Variants in SMOC2 observed in about 807,000 individuals in gnomAD.
SMOC2 encodes the protein SPARC related modular calcium binding 2, also known as SPARC-related modular calcium-binding protein 2.
In SMOC2, 39 loss-of-function variants were observed where a neutral mutation model predicts 61.4. The observed-to-expected ratio is 0.64, with a 90% CI of 0.49 to 0.83. The LOEUF (loss-of-function observed/expected upper bound fraction) is 0.83, where lower values mean the gene tolerates loss of function less well. SMOC2 is among the 40% of genes least tolerant of loss of function. SMOC2 has a pLI of 0.00. For missense variants in SMOC2, 556 were observed against 592.9 expected, an observed-to-expected ratio of 0.94 and a Z score of 0.65; for synonymous variants, 247 against 239.9, an observed-to-expected ratio of 1.03 and a Z score of -0.27.
chr6:168,509,392 A>G (rs985929302), intron 1 of SMOC2, among the ~76,000 whole-genome samples: 23 of 152,326 alleles, frequency 1.5e-4, no homozygotes, highest in Middle Eastern at 3.4e-3. Flanking sequence ...GTCTAGTCCA[A>G]TTGAATGTAG....
At chr6:168,651,364 C>T (rs1196349692) in intron 10 of SMOC2, among the ~76,000 whole-genome samples, 4 of 152,062 alleles carry the variant, frequency 2.6e-5, no homozygotes, top group East Asian at 1.9e-4. Flanking sequence ...GCCTGGAGCT[C>T]GGTGGAGTGG....
chr6:168,444,542 C>T (rs879538232), intron 1 of SMOC2, among the ~76,000 whole-genome samples: 4 of 152,182 alleles, frequency 2.6e-5, no homozygotes, highest in Non-Finnish European at 4.4e-5. Context: ...TGCACAACTT[C>T]CTGGTTATTG....
chr6:168,607,805 A>T (rs1338855537), intron 8 of SMOC2, among the ~76,000 whole-genome samples: 1 of 151,098 alleles, frequency 6.6e-6, no homozygotes, highest in Non-Finnish European at 1.5e-5. Flanking sequence ...CAACGGGAGG[A>T]GGGGGAGGTG....
intron 7 of SMOC2, among the ~76,000 whole-genome samples, chr6:168,584,690 T>A (rs1466806531): frequency 2.0e-5 from 3 of 152,196 alleles, no homozygotes; most frequent in Non-Finnish European, 4.4e-5. Flanking sequence ...TATTTTCTCA[T>A]CTCTTAGAAT....
At chr6:168,534,130 T>C (rs996002101) in intron 4 of SMOC2, among the ~76,000 whole-genome samples, 1 of 150,656 alleles carries the variant, frequency 6.6e-6, no homozygotes, top group African/African-American at 2.4e-5. Context: ...TAAAAACTTG[T>C]GAATTTTTTT....
intron 9 of SMOC2, among the ~76,000 whole-genome samples, chr6:168,630,699 A>G (rs539998936): frequency 1.8e-3 from 271 of 152,364 alleles, no homozygotes; most frequent in African/African-American, 6.2e-3. Flanking sequence ...AAATGGGAGA[A>G]ATATCACTGA....
chr6:168,552,418 C>G (rs1260160730), intron 7 of SMOC2, among the ~76,000 whole-genome samples: 1 of 145,090 alleles, frequency 6.9e-6, no homozygotes, highest in Non-Finnish European at 1.6e-5. Context: ...CTTGTCAGTA[C>G]CTTTTCCTGT....
intron 9 of SMOC2, among the ~76,000 whole-genome samples, chr6:168,619,154 T>C (rs982821606): frequency 5.9e-5 from 9 of 152,160 alleles, no homozygotes; most frequent in African/African-American, 2.2e-4. Flanking sequence ...TGTTTTTGTT[T>C]ATGGTTTCCT....
chr6:168,498,166 C>A (rs139975693), intron 1 of SMOC2, among the ~76,000 whole-genome samples: 14 of 152,310 alleles, frequency 9.2e-5, no homozygotes, highest in African/African-American at 3.4e-4. Context: ...GAAATGATTT[C>A]ACCGAATAAC....
chr6:168,497,071 G>A (rs904160574), intron 1 of SMOC2, among the ~76,000 whole-genome samples: 4 of 152,248 alleles, frequency 2.6e-5, no homozygotes, highest in Non-Finnish European at 4.4e-5. Flanking sequence ...AAGCCTGTGA[G>A]TGTAAAGCTA....
chr6:168,541,556 A>G (rs961068118), intron 4 of SMOC2, among the ~76,000 whole-genome samples: 1 of 152,074 alleles, frequency 6.6e-6, no homozygotes, highest in Non-Finnish European at 1.5e-5. Context: ...ATGTGGAGCT[A>G]TTTTCCCATC....
chr6:168,514,866 C>T (rs7740366), intron 2 of SMOC2, among the ~76,000 whole-genome samples: 49,790 of 152,028 alleles, frequency 0.33, 9,117 homozygotes, highest in African/African-American at 0.46. Context: ...ATTTCTTAGA[C>T]AAAGGAGGGA....
intron 11 of SMOC2, among the ~76,000 whole-genome samples, chr6:168,660,511 G>C (rs151154333): frequency 2.6e-5 from 4 of 152,326 alleles, no homozygotes; most frequent in Admixed American, 1.3e-4. Context: ...ACCTTCCATG[G>C]GTCACGCTTC....
intron 7 of SMOC2, among the ~76,000 whole-genome samples, chr6:168,558,879 G>GT (rs35132959): frequency 6.7e-6 from 1 of 148,178 alleles, no homozygotes; most frequent in African/African-American, 2.5e-5. Context: ...GCATGTGTGT[G>GT]CGTGTGTGCG....
At chr6:168,467,431 C>T (rs923647498) in intron 1 of SMOC2, among the ~76,000 whole-genome samples, 12 of 152,108 alleles carry the variant, frequency 7.9e-5, no homozygotes, top group East Asian at 1.9e-4. Flanking sequence ...CTCAGCTTCC[C>T]GAATAGCTGG....
chr6:168,568,308 T>C (rs1051332126), intron 7 of SMOC2, among the ~76,000 whole-genome samples: 4 of 152,242 alleles, frequency 2.6e-5, no homozygotes, highest in African/African-American at 9.6e-5. Context: ...CAGACTTTAT[T>C]TTTAGAGCAG....
chr6:168,556,834 C>T (rs1784264736), intron 7 of SMOC2, among the ~76,000 whole-genome samples: 1 of 139,442 alleles, frequency 7.2e-6, no homozygotes, highest in African/African-American at 2.7e-5. Flanking sequence ...TTTTTGTGAG[C>T]TGGAGAGAAC....
chr6:168,664,194 T>G, intron 12 of SMOC2, 83 bp downstream of exon 12: 2 of 1,085,142 alleles, frequency 1.8e-6, no homozygotes, highest in Non-Finnish European at 2.8e-6. Flanking sequence ...AGATTTGCAA[T>G]GGCCAGTACC....
intron 9 of SMOC2, among the ~76,000 whole-genome samples, chr6:168,621,175 C>T (rs568629519): frequency 2.0e-5 from 3 of 152,318 alleles, no homozygotes; most frequent in East Asian, 1.9e-4. Context: ...GTTGTTAATT[C>T]GCTTTGAGAA....
Sources: gnomAD v4.1 joint callset for allele counts (sites outside exome capture counted in the v4.1 genomes callset) on GRCh38, gnomAD v4.1.1 for gene constraint, MANE v1.5 for transcripts, NCBI Gene and HGNC (gene_info 2026-07-23, HGNC 2026-07-21) for gene names.